PTPRD: variants seen among roughly 807,000 people sequenced by gnomAD.
The protein encoded by PTPRD is protein tyrosine phosphatase receptor type D, also known as receptor-type tyrosine-protein phosphatase delta.
PTPRD carries 34 observed loss-of-function variants against 214.5 expected under a neutral mutation model. The observed-to-expected ratio is 0.16, with a 90% CI of 0.12 to 0.21. The LOEUF is 0.21. Ranked by LOEUF, PTPRD falls within the 10% of genes least tolerant of loss-of-function variation. The pLI, the probability that PTPRD is intolerant of heterozygous loss-of-function variation, is 1.00. For missense variants in PTPRD, 2,545 were observed against 2,398.7 expected, an observed-to-expected ratio of 1.06 and a Z score of -1.27; for synonymous variants, 1,128 against 845.7, an observed-to-expected ratio of 1.33 and a Z score of -5.79.
At chr9:9,915,809 A>G (rs536450399) in intron 5 of PTPRD, among the ~76,000 whole-genome samples, 1 of 152,230 alleles carries the variant, frequency 6.6e-6, no homozygotes, top group South Asian at 2.1e-4. Context: ...ATTTAATGAA[A>G]TGATAGCAGA....
In PTPRD at chr9:9,331,676, G is replaced by A. The variant is rs981688847; in HGVS notation, c.-203+65773C>T. Among the ~76,000 whole-genome samples, 8 of 152,038 alleles carry A rather than the reference G, an allele frequency of 5.3e-5. No homozygotes were observed. In the East Asian group the frequency reaches 1.4e-3, roughly 26 times the overall value. ...CAATAACAACGGCTATCTAATACAC[G>A]CAGGTAACATTTACAGAATAGAAGT... is the stretch of plus-strand genomic sequence containing the variant. On this transcript the variant is annotated intron_variant, in intron 9 of 45. Coordinates refer to ENST00000381196, the MANE Select transcript of PTPRD (RefSeq NM_002839.4).
At chr9:9,226,600 G>A (rs1013956052) in intron 9 of PTPRD, among the ~76,000 whole-genome samples, 1 of 151,932 alleles carries the variant, frequency 6.6e-6, no homozygotes, top group African/African-American at 2.4e-5. Flanking sequence ...ATTGTTTCAA[G>A]GTTTTGTCTT....
In PTPRD at chr9:8,326,076, G is replaced by A. The variant is rs1478740587; in HGVS notation, c.5534+5506C>T. On this transcript the variant is annotated intron_variant, in intron 44 of 45. Transcript: ENST00000381196. ...TAACATTTATTTCTTTCTGTTGCCT[G>A]ACTGCCTTGGCCAGAACTTCCAATA... Among the ~76,000 whole-genome samples, 5 of 152,184 alleles carry A rather than the reference G, an allele frequency of 3.3e-5. No homozygotes were observed. The East Asian group carries it at 9.6e-4, about 29-fold the overall frequency.
chr9:8,418,568 A>G (rs1426132468), intron 35 of PTPRD, among the ~76,000 whole-genome samples: 1 of 146,360 alleles, frequency 6.8e-6, no homozygotes, highest in Non-Finnish European at 1.5e-5. Flanking sequence ...TGTAAAATAC[A>G]TTTTTTTTTT....
chr9:8,447,591 C>T (rs2095784198), intron 34 of PTPRD, among the ~76,000 whole-genome samples: 1 of 152,198 alleles, frequency 6.6e-6, no homozygotes, highest in Non-Finnish European at 1.5e-5. Flanking sequence ...CTCTTACCTG[C>T]AGTCACCAGC....
chr9:10,118,242 C>A (rs2098747003), intron 3 of PTPRD, among the ~76,000 whole-genome samples: 2 of 140,596 alleles, frequency 1.4e-5, no homozygotes, highest in African/African-American at 2.5e-5. Context: ...CTACATATAT[C>A]CATTATCTTA....
At chr9:10,353,362 A>T (rs530826209) in intron 2 of PTPRD, among the ~76,000 whole-genome samples, 119 of 152,104 alleles carry the variant, frequency 7.8e-4, no homozygotes, top group African/African-American at 2.8e-3. Context: ...TTTTCCTGGC[A>T]TTTGACTATT....
chr9:9,373,736 A>T (rs2060106923), intron 9 of PTPRD, among the ~76,000 whole-genome samples: 1 of 152,092 alleles, frequency 6.6e-6, no homozygotes, highest in African/African-American at 2.4e-5. Context: ...TCATCTGGAA[A>T]TCTTTAATTG....
At chr9:9,595,485 T>C in intron 7 of PTPRD, among the ~76,000 whole-genome samples, 1 of 150,758 alleles carries the variant, frequency 6.6e-6, no homozygotes, top group East Asian at 2.0e-4. Context: ...CATACACATG[T>C]ATGCATATGT....
intron 7 of PTPRD, among the ~76,000 whole-genome samples, chr9:9,696,075 T>C (rs1489706218): frequency 6.6e-6 from 1 of 152,158 alleles, no homozygotes; most frequent in Admixed American, 6.5e-5. Context: ...TGTTAGTTTT[T>C]ATTGGTTTGC....
intron 11 of PTPRD, among the ~76,000 whole-genome samples, chr9:8,960,170 G>T (rs1017255553): frequency 6.6e-6 from 1 of 152,018 alleles, no homozygotes; most frequent in African/African-American, 2.4e-5. Flanking sequence ...TTGTACAATG[G>T]TGATAGTATT....
chr9:9,018,209 T>C (rs981243231), intron 11 of PTPRD, among the ~76,000 whole-genome samples: 1 of 152,174 alleles, frequency 6.6e-6, no homozygotes, highest in African/African-American at 2.4e-5. Flanking sequence ...GTGGTTGTTG[T>C]ATTGTTCATA....
intron 12 of PTPRD, among the ~76,000 whole-genome samples, chr9:8,667,975 A>C (rs1193697547): frequency 6.6e-6 from 1 of 152,170 alleles, no homozygotes; most frequent in African/African-American, 2.4e-5. Context: ...ATAAAAACTA[A>C]GAAGAAATAA....
chr9:8,880,069 T>G (rs2098429811), intron 11 of PTPRD, among the ~76,000 whole-genome samples: 1 of 152,210 alleles, frequency 6.6e-6, no homozygotes, highest in South Asian at 2.1e-4. Flanking sequence ...CTGTGGGGTC[T>G]GAAATGTAGC....
At chr9:8,437,484 C>G (rs1487339742) in intron 34 of PTPRD, among the ~76,000 whole-genome samples, 2 of 152,154 alleles carry the variant, frequency 1.3e-5, no homozygotes, top group African/African-American at 2.4e-5. Flanking sequence ...TGCACCACGA[C>G]TCACTGACGA....
intron 10 of PTPRD, among the ~76,000 whole-genome samples, chr9:9,180,735 G>T (rs1047164708): frequency 2.6e-5 from 4 of 152,022 alleles, no homozygotes; most frequent in Non-Finnish European, 5.9e-5. Flanking sequence ...TCACTAGCTG[G>T]TGATCTTAAA....
chr9:9,439,618 C>G (rs1588459562), intron 8 of PTPRD, among the ~76,000 whole-genome samples: 1 of 152,166 alleles, frequency 6.6e-6, no homozygotes, highest in East Asian at 1.9e-4. Context: ...CATTAAAAGC[C>G]AAGAAAAGTG....
chr9:9,945,978 A>G (rs925750350), intron 4 of PTPRD, among the ~76,000 whole-genome samples: 1 of 147,614 alleles, frequency 6.8e-6, no homozygotes, highest in Non-Finnish European at 1.5e-5. Context: ...AATGATATAA[A>G]ATTTAAAATG....
intron 10 of PTPRD, among the ~76,000 whole-genome samples, chr9:9,144,114 T>C (rs1297609732): frequency 1.3e-5 from 2 of 152,202 alleles, no homozygotes; most frequent in African/African-American, 2.4e-5. Flanking sequence ...CAGATCCATA[T>C]AATACGTCAA....
Sources: allele counts gnomAD v4.1 joint callset (sites outside exome capture counted in the v4.1 genomes callset), GRCh38; gene constraint gnomAD v4.1.1; transcripts MANE v1.5; gene names NCBI Gene and HGNC (gene_info 2026-07-23, HGNC 2026-07-21).